UNC79: variants seen among roughly 807,000 people sequenced by gnomAD.
UNC79 encodes protein unc-79 homolog.
In UNC79, 37 loss-of-function variants were observed where a neutral mutation model predicts 283.1. That is an observed-to-expected ratio of 0.13 (90% CI 0.10 to 0.17). The LOEUF (loss-of-function observed/expected upper bound fraction) is 0.17. Ranked by LOEUF, UNC79 falls within the 10% of genes least tolerant of loss-of-function variation. The pLI, the probability that UNC79 is intolerant of heterozygous loss-of-function variation, is 1.00. For missense variants in UNC79, 2,272 were observed against 3,211.1 expected, an observed-to-expected ratio of 0.71 and a Z score of 7.07; for synonymous variants, 1,107 against 1,200.2, an observed-to-expected ratio of 0.92 and a Z score of 1.61.
intron 22 of UNC79, among the ~76,000 whole-genome samples, chr14:93,591,003 T>G (rs938924433): frequency 3.3e-4 from 50 of 152,336 alleles, no homozygotes; most frequent in African/African-American, 1.2e-3. Flanking sequence ...CTGCACATCT[T>G]GTTTAAAGCC....
chr14:93,563,830 T>G (rs1240765212), intron 14 of UNC79, among the ~76,000 whole-genome samples: 2 of 151,964 alleles, frequency 1.3e-5, no homozygotes, highest in Admixed American at 6.6e-5. Context: ...CAATGGTAAT[T>G]GTGGGAGACT....
chr14:93,402,854 T>C (rs2055138870), intron 1 of UNC79, among the ~76,000 whole-genome samples: 1 of 152,174 alleles, frequency 6.6e-6, no homozygotes, highest in Non-Finnish European at 1.5e-5. Context: ...TTACAAAGTT[T>C]GTTTTGCCAA....
At chr14:93,534,465 T>C (rs143510207) in intron 11 of UNC79, among the ~76,000 whole-genome samples, 63 of 152,312 alleles carry the variant, frequency 4.1e-4, no homozygotes, top group African/African-American at 1.3e-3. Context: ...GTGAATCTCA[T>C]TGGGGTCCTG....
chr14:93,691,919 C>T (rs1165329320), exon 46 of UNC79: 1 of 1,614,202 alleles, frequency 6.2e-7, no homozygotes, highest in East Asian at 2.2e-5. Flanking sequence ...CACCCAGCAT[C>T]CTTCAGCTAA....
At chr14:93,470,996 C>T (rs1359850358) in intron 2 of UNC79, among the ~76,000 whole-genome samples, 2 of 152,160 alleles carry the variant, frequency 1.3e-5, no homozygotes, top group African/African-American at 4.8e-5. Flanking sequence ...CCAGATCTCT[C>T]TTCTGGTGCT....
intron 14 of UNC79, among the ~76,000 whole-genome samples, chr14:93,546,449 G>T (rs1477593603): frequency 6.6e-6 from 1 of 152,210 alleles, no homozygotes; most frequent in Non-Finnish European, 1.5e-5. Flanking sequence ...CCTGTTAAAA[G>T]CAGAACAGAT....
rs1302515889 is a variant in UNC79, at chr14:93,474,275, C to T, written c.330C>T (p.Arg110=). The T allele has an allele frequency of 2.4e-5, 37 of 1,536,064 alleles. No homozygotes were observed. Among genetic ancestry groups the T allele is most frequent in the African/African-American group, 2.7e-5 (2 of 73,146 alleles). ...TCCTGCGAGATGCTCCCTCAGAACGCGGCCCGCAAAGTCGTGATGCTCAGT... is the reference window on the plus strand; with the variant it reads ...TCCTGCGAGATGCTCCCTCAGAACGTGGCCCGCAAAGTCGTGATGCTCAGT... The change falls in exon 3 of 49, where the codon CGC becomes CGT. Residue 110 remains arginine, a synonymous_variant. Coordinates refer to ENST00000555664, the Ensembl canonical transcript of UNC79. The surrounding 1 kb of genome is among the most constrained non-coding windows in gnomAD (Gnocchi z 4.1).
At position 93,383,512 on chromosome 14, in the gene UNC79, A is replaced by G. The variant is rs996394124; in HGVS notation, c.-351+49989A>G. On this transcript the variant is annotated intron_variant, in intron 1 of 49. Coordinates refer to the UNC79 transcript ENST00000256339. Reference sequence around the variant, plus strand: ...CTATGCGATAGTCTGTTAACTGCACAATAGCATTATGTCTAAAAAACAATA... The same window carrying G: ...CTATGCGATAGTCTGTTAACTGCACGATAGCATTATGTCTAAAAAACAATA... Among the ~76,000 whole-genome samples the G allele has an allele frequency of 2.6e-5, 4 of 152,246 alleles. No individual in the cohort carries two copies. In the East Asian group the frequency reaches 5.8e-4, roughly 22 times the overall value.
chr14:93,592,248 C>G (rs1402172439), intron 22 of UNC79, among the ~76,000 whole-genome samples: 1 of 140,678 alleles, frequency 7.1e-6, no homozygotes, highest in Non-Finnish European at 1.5e-5. Context: ...AATCTCGGTT[C>G]ACTGCAAGCT....
At chr14:93,508,112 T>C (rs1238824291) in intron 7 of UNC79, among the ~76,000 whole-genome samples, 2 of 152,150 alleles carry the variant, frequency 1.3e-5, no homozygotes, top group Non-Finnish European at 2.9e-5. Flanking sequence ...AATCTCTATA[T>C]TTGTTCTTTT....
chr14:93,489,355 G>A (rs972120615), intron 5 of UNC79, among the ~76,000 whole-genome samples: 16 of 152,180 alleles, frequency 1.1e-4, no homozygotes, highest in Middle Eastern at 3.4e-3. Context: ...CCCAAAAATC[G>A]TAACTCATTT....
intron 48 of UNC79, among the ~76,000 whole-genome samples, 191 bp downstream of exon 51, chr14:93,704,857 C>T (rs1385846478): frequency 6.6e-6 from 1 of 152,098 alleles, no homozygotes; most frequent in East Asian, 1.9e-4. Context: ...GCAGCAGGAA[C>T]CATTGTCCTA....
intron 11 of UNC79, among the ~76,000 whole-genome samples, chr14:93,534,637 C>A (rs752349768): frequency 1.3e-5 from 2 of 152,156 alleles, no homozygotes; most frequent in Non-Finnish European, 1.5e-5. Context: ...ATCTTAGAGT[C>A]ATAGACCATA....
At chr14:93,596,398 G>T (rs1377824469) in intron 23 of UNC79, among the ~76,000 whole-genome samples, 1 of 152,196 alleles carries the variant, frequency 6.6e-6, no homozygotes, top group Non-Finnish European at 1.5e-5. Context: ...ACTTTGGGAG[G>T]CCAAAGCAGG....
intron 7 of UNC79, among the ~76,000 whole-genome samples, chr14:93,500,466 A>G (rs2059228873): frequency 6.6e-6 from 1 of 151,750 alleles, no homozygotes; most frequent in Non-Finnish European, 1.5e-5. Flanking sequence ...AGATCACAGA[A>G]AAAAAAAATC....
chr14:93,374,649 C>G (rs10131677), intron 1 of UNC79, among the ~76,000 whole-genome samples: 82,379 of 151,976 alleles, frequency 0.54, 22,911 homozygotes, highest in Admixed American at 0.65. Context: ...AGCGATCCTC[C>G]CACCTCAGCC....
At position 93,431,069 on chromosome 14, in the gene UNC79, C is replaced by T. The variant is rs959794240; in HGVS notation, c.22+18C>T. 2 of 699,906 alleles carry T rather than the reference C, an allele frequency of 2.9e-6. No individual in the cohort carries two copies. Among genetic ancestry groups the T allele is most frequent in the Non-Finnish European group, 5.2e-6 (2 of 383,842 alleles). The allele number at this position is 699,906 out of a possible 1,614,324, so 43.4% of individuals were successfully genotyped here. A position where few individuals can be genotyped will look rare whatever the true frequency, so the allele number is the denominator to read the frequency against. ...GGAGCAGTGTAAGTAGCAGCCGGCC[C>T]GGCATTCCGGCCCGGCCTCGGCTGG... On this transcript the variant is annotated intron_variant, in intron 1 of 48. Transcript: ENST00000555664.
At chr14:93,656,814 G>A (rs550871719) in intron 38 of UNC79, among the ~76,000 whole-genome samples, 1 of 152,136 alleles carries the variant, frequency 6.6e-6, no homozygotes, top group South Asian at 2.1e-4. Flanking sequence ...CTCCAGCCTG[G>A]GCAACAGAGT....
intron 7 of UNC79, among the ~76,000 whole-genome samples, chr14:93,517,864 C>T (rs1232021827): frequency 6.6e-6 from 1 of 151,458 alleles, no homozygotes; most frequent in East Asian, 1.9e-4. Flanking sequence ...ATATTTTTCA[C>T]TTCTAGAATT....
Sources: gnomAD v4.1 joint callset for allele counts (sites outside exome capture counted in the v4.1 genomes callset) on GRCh38, gnomAD v4.1.1 for gene constraint, Gnocchi (gnomAD v3.1) non-coding constraint, MANE v1.5 for transcripts, NCBI Gene and HGNC (gene_info 2026-07-23, HGNC 2026-07-21) for gene names.